The following TNKS variants were observed in gnomAD, a reference collection of about 807,000 sequenced individuals.
TNKS encodes the protein poly [ADP-ribose] polymerase tankyrase-1.
A neutral mutation model predicts 135.8 loss-of-function variants in TNKS; 72 were observed. That is an observed-to-expected ratio of 0.53 (90% CI 0.44 to 0.64). The LOEUF (loss-of-function observed/expected upper bound fraction) is 0.64, where lower values mean the gene tolerates loss of function less well. Among genes scored for constraint, TNKS ranks in the 30% least tolerant of loss-of-function variants. TNKS has a pLI of 0.00. For synonymous variants in TNKS, 849 were observed against 649.3 expected, an observed-to-expected ratio of 1.31 and a Z score of -4.68; for missense variants, 1,769 against 1,674.0, an observed-to-expected ratio of 1.06 and a Z score of -0.99.
intron 20 of TNKS, among the ~76,000 whole-genome samples, chr8:9,761,278 G>A (rs959066688): frequency 7.9e-5 from 12 of 152,118 alleles, no homozygotes; most frequent in Admixed American, 7.9e-4. Context: ...CTATAGTATT[G>A]TTTCTCCCTT....
At chr8:9,714,371 T>C (rs1804494908) in intron 11 of TNKS, among the ~76,000 whole-genome samples, 1 of 151,956 alleles carries the variant, frequency 6.6e-6, no homozygotes, top group African/African-American at 2.4e-5. Context: ...TATATAAATA[T>C]GTAGTATAGT....
chr8:9,708,255 G>T, intron 8 of TNKS, 116 bp from the exon 9 acceptor site: 2 of 930,826 alleles, frequency 2.1e-6, no homozygotes, highest in South Asian at 4.4e-5. Flanking sequence ...CATTGCTGCT[G>T]TTGTTAAAAT....
At chr8:9,759,703 G>T (rs532805552) in intron 20 of TNKS, among the ~76,000 whole-genome samples, 2 of 152,098 alleles carry the variant, frequency 1.3e-5, no homozygotes, top group Non-Finnish European at 2.9e-5. Flanking sequence ...GGCCAGGCGC[G>T]GTGGCTCACG....
At chr8:9,627,288 A>G (rs1800096026) in intron 3 of TNKS, among the ~76,000 whole-genome samples, 1 of 151,954 alleles carries the variant, frequency 6.6e-6, no homozygotes, top group Admixed American at 6.5e-5. Context: ...AGTAAATGTA[A>G]GTAAGTAAGT....
chr8:9,730,893 C>T lies in TNKS; in HGVS notation c.2005C>T (p.Leu669Phe), dbSNP rs1805404009. Residue 669 changes from leucine to phenylalanine, a missense_variant, in exon 14 of 27, where the codon CTT becomes TTT. Physicochemically the swap from Leu to Phe is conservative, Grantham distance 22. This residue lies in a region of TNKS where 523 missense variants were observed against 541.0 expected (regional missense o/e 0.97). Transcript: ENST00000310430. ...CTTTGTGTGTGCACCACGAAAGCAA[C>T]TTTGCAGCTCTCAAAATGTGAATTG... is the stretch of plus-strand genomic sequence containing the variant. Reference protein sequence around the residue: ...KAGDLETVKQLCSSQNVNCRD... With the variant: ...KAGDLETVKQFCSSQNVNCRD... 1.2e-6 allele frequency: 2 copies of T among 1,612,050 alleles called. No homozygotes were observed. The highest frequency in any genetic ancestry group is 2.7e-5 in the African/African-American group (2 of 74,978).
At chr8:9,746,754 G>C (rs557165028) in intron 17 of TNKS, among the ~76,000 whole-genome samples, 4 of 152,076 alleles carry the variant, frequency 2.6e-5, no homozygotes, top group Admixed American at 2.6e-4. Context: ...GTAAGTGAAT[G>C]ATGCCCCCTC....
In TNKS at chr8:9,759,703, G is replaced by A. The variant is rs532805552; in HGVS notation, c.3154-1813G>A. ...GAAAAGTCTGACGAGGGCCAGGCGC[G>A]GTGGCTCACGCCTGTAATCCCAGCA... On this transcript the variant is annotated intron_variant, in intron 20 of 26. Transcript: ENST00000310430. Among the ~76,000 whole-genome samples, 7 of 152,216 alleles carry A rather than the reference G, an allele frequency of 4.6e-5. No individual in the cohort carries two copies. The South Asian group carries it at 6.2e-4, about 14-fold the overall frequency.
intron 9 of TNKS, 64 bp from the exon 10 acceptor site, chr8:9,709,891 A>G: frequency 7.9e-7 from 1 of 1,273,286 alleles, no homozygotes; most frequent in Admixed American, 1.8e-5. Context: ...GATACTGTTC[A>G]ATTCCAAGAG....
At position 9,748,162 on chromosome 8, in the gene TNKS, G is replaced by C. The variant is rs61756339; in HGVS notation, c.2782G>C (p.Asp928His). 1.2e-6 allele frequency: 2 copies of C among 1,603,384 alleles called. No homozygotes were observed. The highest frequency in any genetic ancestry group is 1.7e-6 in the Non-Finnish European group (2 of 1,174,904). The change falls in exon 18 of 27, where the codon GAC (aspartate) becomes CAC (histidine). Residue 928 changes from aspartate to histidine, a missense_variant. This residue lies in a region of TNKS where 722 missense variants were observed against 688.9 expected (regional missense o/e 1.05). Transcript: ENST00000310430. ...LCALLLAHGA[D>H]PTMKNQEGQT... ...CGCCCTCCTCCTAGCGCATGGTGCAGACCCCACCATGAAGAACCAGGAAGG... is the reference window on the plus strand; with the variant it reads ...CGCCCTCCTCCTAGCGCATGGTGCACACCCCACCATGAAGAACCAGGAAGG...
intron 3 of TNKS, among the ~76,000 whole-genome samples, chr8:9,672,163 TAG>T (rs1802299559): frequency 6.6e-6 from 1 of 152,226 alleles, no homozygotes; most frequent in Admixed American, 6.5e-5. Context: ...TCTGTTTTAT[TAG>T]AGATTATTCT....
At chr8:9,673,814 C>G (rs1585311977) in intron 3 of TNKS, among the ~76,000 whole-genome samples, 2 of 152,078 alleles carry the variant, frequency 1.3e-5, no homozygotes, top group South Asian at 4.1e-4. Context: ...AATTGGAAAG[C>G]TTCTCAAATA....
At chr8:9,641,114 C>T (rs1585265756) in intron 3 of TNKS, among the ~76,000 whole-genome samples, 1 of 145,986 alleles carries the variant, frequency 6.8e-6, no homozygotes, top group African/African-American at 2.5e-5. Context: ...GTAATGCACC[C>T]AATTTATTCA....
chr8:9,763,239 G>T lies in TNKS; in HGVS notation c.3367G>T (p.Glu1123Ter). 1 of 1,597,630 alleles carries T rather than the reference G, an allele frequency of 6.3e-7. No individual in the cohort carries two copies. Among genetic ancestry groups the T allele is most frequent in the Non-Finnish European group, 8.6e-7 (1 of 1,166,878 alleles). Residue 1123 changes from glutamate to a stop codon, truncating the protein, a stop_gained, in exon 22 of 27, where the codon GAA becomes TAA. Transcript: ENST00000310430. LOFTEE classifies it high-confidence loss of function. ...PEDKEYQSVE[E>*]EMQSTIREHR... The stretch of plus-strand genomic sequence containing the variant: ...AGATAAAGAATATCAGTCAGTGGAA[G>T]AAGAGGTAATATACATCAGAAATCT...
chr8:9,692,252 G>A (rs1563170585), intron 5 of TNKS, among the ~76,000 whole-genome samples: 1 of 152,156 alleles, frequency 6.6e-6, no homozygotes, highest in Non-Finnish European at 1.5e-5. Context: ...GTGTTCAGGT[G>A]TATTCACTGT....
chr8:9,563,443 G>A (rs1467669754), intron 1 of TNKS, among the ~76,000 whole-genome samples: 1 of 151,982 alleles, frequency 6.6e-6, no homozygotes. Context: ...CTTTTATACT[G>A]TGAAAGTTTC....
intron 1 of TNKS, among the ~76,000 whole-genome samples, chr8:9,567,205 A>G (rs1030095399): frequency 2.0e-5 from 3 of 152,204 alleles, no homozygotes; most frequent in African/African-American, 4.8e-5. Context: ...ATTTTGACAT[A>G]TTCCCTCCAG....
intron 18 of TNKS, among the ~76,000 whole-genome samples, chr8:9,751,145 C>G (rs758705258): frequency 1.3e-5 from 2 of 152,084 alleles, no homozygotes; most frequent in African/African-American, 2.4e-5. Flanking sequence ...GACTATCTCC[C>G]GCATACTCGA....
chr8:9,571,029 A>G (rs1797735653), intron 1 of TNKS, among the ~76,000 whole-genome samples: 1 of 152,176 alleles, frequency 6.6e-6, no homozygotes, highest in Non-Finnish European at 1.5e-5. Flanking sequence ...GTTTTTTAAA[A>G]ATTACATTCG....
rs1281016399 is a variant in TNKS at position 9,766,244 on chromosome 8, C to T, written c.3559C>T (p.Pro1187Ser). Residue 1187 changes from proline (P) to serine (S), a missense_variant, in exon 25 of 27, where the codon CCT (proline) becomes TCT (serine). Physicochemically the swap from Pro to Ser is moderately conservative, Grantham distance 74. This residue lies in a region of TNKS where 722 missense variants were observed against 688.9 expected (regional missense o/e 1.05). Coordinates refer to ENST00000310430, the MANE Select transcript of TNKS (RefSeq NM_003747.3). The part of the protein sequence containing the change: ...HNERMLFHGS[P>S]FINAIIHKGF... ...TTCTGTCTTCGTATTTCTAGGTTCT[C>T]CTTTCATTAATGCCATTATTCATAA... 6.3e-7 allele frequency: 1 copy of T among 1,599,888 alleles called. No homozygotes were observed. Among genetic ancestry groups the T allele is most frequent in the African/African-American group, 1.3e-5 (1 of 74,450 alleles).
Sources: gnomAD v4.1 joint callset for allele counts (sites outside exome capture counted in the v4.1 genomes callset) on GRCh38, gnomAD v4.1.1 for gene constraint, gnomAD v4.1.1 regional missense constraint, MANE v1.5 for transcripts, NCBI Gene and HGNC (gene_info 2026-07-23, HGNC 2026-07-21) for gene names.